The following FARS2 variants were observed in gnomAD, a reference collection of about 807,000 sequenced individuals.
FARS2 encodes phenylalanyl-tRNA synthetase 2, mitochondrial.
FARS2 carries 40 observed loss-of-function variants against 46.4 expected under a neutral mutation model. The observed-to-expected ratio is 0.86, with a 90% CI of 0.67 to 1.12. The LOEUF (loss-of-function observed/expected upper bound fraction) is 1.12. FARS2 is among the 50% of genes most tolerant of loss of function. FARS2 has a pLI of 0.00. For synonymous variants in FARS2, 234 were observed against 214.9 expected (o/e 1.09, Z -0.78); for missense variants, 513 against 567.9 (o/e 0.90, Z 0.98).
intron 6 of FARS2, among the ~76,000 whole-genome samples, chr6:5,616,632 A>T (rs371424068): frequency 1.3e-5 from 2 of 152,246 alleles, no homozygotes. Context: ...CAATATTTTT[A>T]AAAATTTGTG....
At position 5,263,522 on chromosome 6, in the gene FARS2, TA is replaced by T. The variant is rs994223468; in HGVS notation, c.-22+1870del. 3.9e-5 allele frequency among the ~76,000 whole-genome samples: 6 copies of T among 152,184 alleles called. No individual in the cohort carries two copies. The East Asian group carries it at 9.6e-4, about 24-fold the overall frequency. On this transcript the variant is annotated intron_variant, in intron 1 of 6. Coordinates refer to ENST00000274680, the MANE Select transcript of FARS2 (RefSeq NM_006567.5). ...GCACATCTTCATTGCGGAGATGACTTAAAAAAAATAACTCGATTTGAGATTG... is the reference window on the plus strand; with the variant it reads ...GCACATCTTCATTGCGGAGATGACTTAAAAAAATAACTCGATTTGAGATTG...
rs12202010 is a variant in FARS2 at position 5,561,472 on chromosome 6, C to T, written c.1065+16132C>T. 1.7e-4 allele frequency among the ~76,000 whole-genome samples: 26 copies of T among 151,990 alleles called. No homozygotes were observed. The East Asian group carries it at 5.0e-3, about 29-fold the overall frequency. ...AACATTCTGGAAAGGTAGTCATTCTCCCTTAGCTCTTTGAAGATGCTATTT... is the reference window on the plus strand; with the variant it reads ...AACATTCTGGAAAGGTAGTCATTCTTCCTTAGCTCTTTGAAGATGCTATTT... On this transcript the variant is annotated intron_variant, in intron 5 of 6. Transcript: ENST00000274680.
At chr6:5,744,443 C>T (rs953263740) in intron 6 of FARS2, among the ~76,000 whole-genome samples, 1 of 152,162 alleles carries the variant, frequency 6.6e-6, no homozygotes, top group Admixed American at 6.5e-5. Context: ...AGATAAGTAC[C>T]GTTAAGTCTC....
intron 1 of FARS2, among the ~76,000 whole-genome samples, chr6:5,297,908 T>G (rs1768008654): frequency 2.0e-5 from 3 of 152,188 alleles, no homozygotes; most frequent in Non-Finnish European, 2.9e-5. Context: ...TTTAAAAACA[T>G]CTCCACTCTA....
At chr6:5,412,814 A>T (rs181786997) in intron 3 of FARS2, among the ~76,000 whole-genome samples, 16 of 152,244 alleles carry the variant, frequency 1.1e-4, no homozygotes, top group Middle Eastern at 3.4e-3. Flanking sequence ...TCCTTCTCAG[A>T]GTACTCCTAG....
intron 1 of FARS2, among the ~76,000 whole-genome samples, chr6:5,348,074 C>T (rs1364343971): frequency 1.3e-5 from 2 of 152,152 alleles, no homozygotes; most frequent in African/African-American, 4.8e-5. Flanking sequence ...CTTCATATAT[C>T]CAGCTGTCAG....
intron 1 of FARS2, among the ~76,000 whole-genome samples, chr6:5,342,464 G>A (rs553310074): frequency 2.6e-5 from 4 of 152,320 alleles, no homozygotes; most frequent in Non-Finnish European, 5.9e-5. Context: ...TGGTCAACTA[G>A]ACCAGTTATA....
At chr6:5,493,209 CA>C (rs34541325) in intron 4 of FARS2, among the ~76,000 whole-genome samples, 15,665 of 92,762 alleles carry the variant, frequency 0.17, 700 homozygotes, top group African/African-American at 0.26. Context: ...GACTGTGTCT[CA>C]AAAAAAAAAA....
At chr6:5,376,150 A>C (rs1465955757) in intron 2 of FARS2, among the ~76,000 whole-genome samples, 2 of 152,072 alleles carry the variant, frequency 1.3e-5, no homozygotes, top group Non-Finnish European at 2.9e-5. Context: ...ATCTTTCGAC[A>C]CTGTTCTCCT....
intron 4 of FARS2, among the ~76,000 whole-genome samples, chr6:5,498,822 T>G (rs1019289544): frequency 6.6e-5 from 10 of 152,312 alleles, no homozygotes; most frequent in African/African-American, 2.4e-4. Context: ...TTAATTGAAT[T>G]GGGAAAACCT....
intron 4 of FARS2, among the ~76,000 whole-genome samples, chr6:5,461,349 T>G (rs971081040): frequency 6.6e-6 from 1 of 152,208 alleles, no homozygotes; most frequent in Admixed American, 6.5e-5. Context: ...CCAGATATTT[T>G]AATTTCTGAT....
intron 6 of FARS2, among the ~76,000 whole-genome samples, chr6:5,652,259 A>G (rs922232833): frequency 1.3e-5 from 2 of 152,202 alleles, no homozygotes; most frequent in African/African-American, 4.8e-5. Context: ...CAACTAGAAG[A>G]GTTGAAAACA....
At chr6:5,401,111 A>G (rs1258251133) in intron 2 of FARS2, among the ~76,000 whole-genome samples, 2 of 151,876 alleles carry the variant, frequency 1.3e-5, no homozygotes, top group Non-Finnish European at 2.9e-5. Context: ...TTTTTTTAAG[A>G]GGTGAATTAA....
intron 1 of FARS2, among the ~76,000 whole-genome samples, chr6:5,321,215 T>C (rs1014527014): frequency 1.1e-4 from 16 of 152,230 alleles, no homozygotes; most frequent in African/African-American, 3.1e-4. Context: ...ACTATGTACC[T>C]TCCAGGTGTT....
chr6:5,393,452 C>G (rs538517829), intron 2 of FARS2, among the ~76,000 whole-genome samples: 1 of 152,090 alleles, frequency 6.6e-6, no homozygotes, highest in Admixed American at 6.5e-5. Context: ...GTCAAGAGAT[C>G]GAGACCATCC....
At chr6:5,691,167 C>A (rs559788051) in intron 6 of FARS2, among the ~76,000 whole-genome samples, 1 of 152,150 alleles carries the variant, frequency 6.6e-6, no homozygotes, top group Non-Finnish European at 1.5e-5. Flanking sequence ...GTTTGATCGT[C>A]TGAAGCCTTC....
chr6:5,298,316 G>A (rs773458970), intron 1 of FARS2, among the ~76,000 whole-genome samples: 1 of 152,124 alleles, frequency 6.6e-6, no homozygotes, highest in Non-Finnish European at 1.5e-5. Flanking sequence ...CTGCCTCATC[G>A]GGGTTGCATT....
chr6:5,767,970 C>G (rs1361731171), intron 6 of FARS2, among the ~76,000 whole-genome samples: 2 of 152,206 alleles, frequency 1.3e-5, no homozygotes, highest in Non-Finnish European at 2.9e-5. Context: ...CACTGATGAG[C>G]TCCAAGAACC....
chr6:5,742,585 A>G (rs966779518), intron 6 of FARS2, among the ~76,000 whole-genome samples: 2 of 151,578 alleles, frequency 1.3e-5, no homozygotes, highest in Admixed American at 6.6e-5. Context: ...CTTATTTTTT[A>G]TCTGGCAGAG....
Sources: allele counts gnomAD v4.1 joint callset (sites outside exome capture counted in the v4.1 genomes callset), GRCh38; gene constraint gnomAD v4.1.1; transcripts MANE v1.5; gene names NCBI Gene and HGNC (gene_info 2026-07-23, HGNC 2026-07-21).